KIF26B: variants seen among roughly 807,000 people sequenced by gnomAD.
KIF26B encodes kinesin family member 26B.
A neutral mutation model predicts 151.2 loss-of-function variants in KIF26B; 63 were observed. That is an observed-to-expected ratio of 0.42 (90% CI 0.34 to 0.51). The LOEUF is 0.51. Ranked by LOEUF, KIF26B falls within the 20% of genes least tolerant of loss-of-function variation. The probability of loss-of-function intolerance (pLI) is 0.07; values close to 1 mark genes in which losing one functional copy is unlikely to be tolerated. For missense variants in KIF26B, 2,813 were observed against 2,913.6 expected, an observed-to-expected ratio of 0.97 and a Z score of 0.79; for synonymous variants, 1,357 against 1,262.1, an observed-to-expected ratio of 1.08 and a Z score of -1.59.
At chr1:245,558,219 T>A (rs1476477981) in intron 5 of KIF26B, among the ~76,000 whole-genome samples, 3 of 152,164 alleles carry the variant, frequency 2.0e-5, no homozygotes, top group African/African-American at 4.8e-5. Flanking sequence ...GCTGGTCACA[T>A]GGCTCCCCCA....
intron 10 of KIF26B, among the ~76,000 whole-genome samples, chr1:245,653,030 G>A (rs965143470): frequency 6.6e-6 from 1 of 152,184 alleles, no homozygotes; most frequent in Non-Finnish European, 1.5e-5. Flanking sequence ...TGATCAGATA[G>A]ATACAAGAGA....
At position 245,471,138 on chromosome 1, in the gene KIF26B, T is replaced by TATATAC. The variant is rs550302632; in HGVS notation, c.1166+51398_1166+51399insCATATA. The stretch of plus-strand genomic sequence containing the variant: ...GTATGTGTGTGTGTGTGTGTATATA[T>TATATAC]ATATATATTTGAGAAGGAGTTTTGC... On this transcript the variant is annotated intron_variant, in intron 4 of 14. Coordinates refer to ENST00000407071, the MANE Select transcript of KIF26B (RefSeq NM_018012.4). Among the ~76,000 whole-genome samples, 185 of 151,726 alleles carry TATATAC rather than the reference T, an allele frequency of 1.2e-3. 1 individual carries two copies. The highest frequency in any genetic ancestry group is 4.2e-3 in the African/African-American group (172 of 41,368).
intron 9 of KIF26B, among the ~76,000 whole-genome samples, chr1:245,613,189 T>G (rs182166896): frequency 6.6e-6 from 1 of 152,146 alleles, no homozygotes; most frequent in South Asian, 2.1e-4. Flanking sequence ...AGACACTGGA[T>G]GCCAGAAAAA....
chr1:245,320,720 C>G (rs1671871599), intron 2 of KIF26B, among the ~76,000 whole-genome samples: 1 of 152,088 alleles, frequency 6.6e-6, no homozygotes, highest in South Asian at 2.1e-4. Flanking sequence ...CTCTGTCACC[C>G]AGGCTGGAGT....
At position 245,527,682 on chromosome 1, in the gene KIF26B, T is replaced by C. The variant is rs111390516; in HGVS notation, c.1167-13085T>C. 5.3e-3 allele frequency among the ~76,000 whole-genome samples: 796 copies of C among 150,606 alleles called. 4 individuals are homozygous for C. The highest frequency in any genetic ancestry group is 0.018 in the African/African-American group (741 of 40,346). On this transcript the variant is annotated intron_variant, in intron 4 of 14. Coordinates refer to ENST00000407071, the MANE Select transcript of KIF26B (RefSeq NM_018012.4). ...CCGAGTAGCTGGGACTACAGGCGCCTGCAACCACGCCCGGCTAATTTTTTG... is the reference window on the plus strand; with the variant it reads ...CCGAGTAGCTGGGACTACAGGCGCCCGCAACCACGCCCGGCTAATTTTTTG...
chr1:245,289,563 A>T (rs551059053), intron 2 of KIF26B, among the ~76,000 whole-genome samples: 1 of 152,194 alleles, frequency 6.6e-6, no homozygotes, highest in Non-Finnish European at 1.5e-5. Flanking sequence ...TGTGGCTCCA[A>T]TGAAGTCTTG....
chr1:245,387,318 C>G (rs1410470475), intron 3 of KIF26B, among the ~76,000 whole-genome samples: 2 of 151,994 alleles, frequency 1.3e-5, no homozygotes, highest in Non-Finnish European at 2.9e-5. Context: ...ATGCCCATCA[C>G]CCTACCTGGC....
In KIF26B at chr1:245,601,930, C is replaced by T. The variant is rs183960678; in HGVS notation, c.1351-647C>T. 4.3e-4 allele frequency among the ~76,000 whole-genome samples: 65 copies of T among 152,310 alleles called. No homozygotes were observed. The highest frequency in any genetic ancestry group is 3.4e-3 in the Middle Eastern group (1 of 294). Reference sequence around the variant, plus strand: ...ACGCAGAAAGTGGGCTAAAGGGCAGCGCCTCCTGCTCCCTCCAGAGATGCA... The same window carrying T: ...ACGCAGAAAGTGGGCTAAAGGGCAGTGCCTCCTGCTCCCTCCAGAGATGCA... On this transcript the variant is annotated intron_variant, in intron 5 of 14. Coordinates refer to ENST00000407071, the MANE Select transcript of KIF26B (RefSeq NM_018012.4). The surrounding 1 kb of genome is among the most constrained non-coding windows in gnomAD (Gnocchi z 4.4).
intron 4 of KIF26B, among the ~76,000 whole-genome samples, chr1:245,450,337 G>C (rs975286827): frequency 6.6e-6 from 1 of 152,176 alleles, no homozygotes; most frequent in Admixed American, 6.5e-5. Context: ...CGTTGACTGG[G>C]ATTAGAATTT....
Position 245,688,348 on chromosome 1 carries a change from A to C in KIF26B, c.5365A>C (p.Arg1789=). The change falls in exon 12 of 15, where the codon AGG becomes CGG. Residue 1789 remains arginine, a synonymous_variant. Coordinates refer to ENST00000407071, the MANE Select transcript of KIF26B (RefSeq NM_018012.4). ...HTPWSTQSLS[R]NRSSGLASKL... Reference sequence around the variant, plus strand: ...GCCCTGGTCCACGCAGTCCCTCAGCAGGAACAGGAGCTCGGGCCTGGCCTC... The same window carrying C: ...GCCCTGGTCCACGCAGTCCCTCAGCCGGAACAGGAGCTCGGGCCTGGCCTC... 6.3e-7 allele frequency: 1 copy of C among 1,579,186 alleles called. No homozygotes were observed. The highest frequency in any genetic ancestry group is 8.5e-7 in the Non-Finnish European group (1 of 1,171,094).
chr1:245,468,238 G>A (rs181419163), intron 4 of KIF26B, among the ~76,000 whole-genome samples: 43 of 152,222 alleles, frequency 2.8e-4, no homozygotes, highest in African/African-American at 9.9e-4. Context: ...GTGACTCTTA[G>A]ATGGAAAACA....
intron 5 of KIF26B, among the ~76,000 whole-genome samples, chr1:245,593,226 G>A (rs955487301): frequency 6.6e-6 from 1 of 152,052 alleles, no homozygotes; most frequent in South Asian, 2.1e-4. Flanking sequence ...GAATGTGCAG[G>A]TTTGTTACAT....
At chr1:245,272,681 A>ATTGT (rs1429215481) in intron 2 of KIF26B, among the ~76,000 whole-genome samples, 4 of 151,682 alleles carry the variant, frequency 2.6e-5, no homozygotes, top group African/African-American at 9.7e-5. Flanking sequence ...CTCTCCTAGT[A>ATTGT]TTGTTTTTGC....
intron 2 of KIF26B, among the ~76,000 whole-genome samples, chr1:245,174,184 T>G (rs888499959): frequency 1.3e-5 from 2 of 152,192 alleles, no homozygotes; most frequent in Admixed American, 6.5e-5. Context: ...TGCCCACACA[T>G]TTTATGTGTA....
At chr1:245,366,036 T>C (rs931380730) in intron 2 of KIF26B, among the ~76,000 whole-genome samples, 10 of 152,202 alleles carry the variant, frequency 6.6e-5, no homozygotes, top group African/African-American at 2.4e-4. Flanking sequence ...AAGATTTTCT[T>C]AGAACAGAAC....
chr1:245,230,814 A>T (rs1043865391), intron 2 of KIF26B, among the ~76,000 whole-genome samples: 26 of 152,132 alleles, frequency 1.7e-4, no homozygotes, highest in African/African-American at 6.3e-4. Context: ...AACAACCATG[A>T]AGAAAATGAA....
chr1:245,504,881 A>G (rs1396637094), intron 4 of KIF26B, among the ~76,000 whole-genome samples: 1 of 152,168 alleles, frequency 6.6e-6, no homozygotes, highest in African/African-American at 2.4e-5. Context: ...ATAAATCCCT[A>G]ATTTCCTATG....
At chr1:245,315,666 G>A (rs1192630845) in intron 2 of KIF26B, among the ~76,000 whole-genome samples, 2 of 150,060 alleles carry the variant, frequency 1.3e-5, no homozygotes, top group East Asian at 3.9e-4. Flanking sequence ...AGGTTGCAGT[G>A]AGCCAAGATT....
intron 5 of KIF26B, among the ~76,000 whole-genome samples, chr1:245,590,701 A>C (rs2043278656): frequency 6.6e-6 from 1 of 152,196 alleles, no homozygotes; most frequent in African/African-American, 2.4e-5. Context: ...TGAGTCCAGG[A>C]GTTCAAGACC....
Sources: allele counts gnomAD v4.1 joint callset (sites outside exome capture counted in the v4.1 genomes callset), GRCh38; gene constraint gnomAD v4.1.1; non-coding constraint Gnocchi (gnomAD v3.1); transcripts MANE v1.5; gene names NCBI Gene and HGNC (gene_info 2026-07-23, HGNC 2026-07-21).